Variants in TMC6 observed in about 807,000 individuals in gnomAD.
TMC6 encodes transmembrane channel-like protein 6.
TMC6 carries 71 observed loss-of-function variants against 95.4 expected under a neutral mutation model. That is an observed-to-expected ratio of 0.74 (90% confidence interval 0.61 to 0.91). The LOEUF is 0.91. TMC6 is among the 40% of genes least tolerant of loss of function. The pLI is 0.00. For synonymous variants in TMC6, 514 were observed against 483.1 expected (o/e 1.06, Z -0.84); for missense variants, 1,074 against 1,079.1 (o/e 1.00, Z 0.07).
intron 18 of TMC6, among the ~76,000 whole-genome samples, chr17:78,115,442 A>G (rs2074018914): frequency 3.3e-5 from 5 of 152,178 alleles, no homozygotes; most frequent in Admixed American, 2.6e-4. Flanking sequence ...GGGGGAGGGC[A>G]GAGCCCAGCA....
At chr17:78,116,852 C>G (rs745805048) in intron 18 of TMC6, among the ~76,000 whole-genome samples, 16 of 152,310 alleles carry the variant, frequency 1.1e-4, no homozygotes, top group South Asian at 8.3e-4. Context: ...TGCACTCCAG[C>G]CTGGGTGACA....
rs181960209 is a variant in TMC6, at chr17:78,125,113, T to C, written c.536+45A>G. On this transcript the variant is annotated intron_variant, in intron 6 of 19. Transcript: ENST00000590602. ...CCTAGCCCAGCTGAGGAAGTGGGTC[T>C]GGGGGCGCAGCAGCGGCGGCATGGT... 734 of 1,548,622 alleles carry C rather than the reference T, an allele frequency of 4.7e-4. 5 individuals carry two copies. The African/African-American group carries it at 9.2e-3, about 19-fold the overall frequency.
intron 5 of TMC6, 134 bp from the exon 6 acceptor site, chr17:78,125,397 G>C: frequency 1.2e-6 from 1 of 850,468 alleles, no homozygotes; most frequent in East Asian, 2.7e-5. Flanking sequence ...TTGAGCTTCA[G>C]TCGCCAATCA....
In TMC6 at chr17:78,113,219, A is replaced by G. The variant is rs200477839; in HGVS notation, c.2355-8T>C. ...TCCTCGGTTGTCCCAACCCTGCCAG[A>G]AAGAGACATCACTGAGGGGACCCCA... On this transcript the variant is annotated splice_region_variant and splice_polypyrimidine_tract_variant and intron_variant, in intron 19 of 19. Transcript: ENST00000590602. 6.2e-5 allele frequency: 96 copies of G among 1,552,662 alleles called. No individual in the cohort carries two copies. The Admixed American group carries it at 6.5e-4, about 10-fold the overall frequency.
chr17:78,113,412 G>A (rs1389982379), intron 19 of TMC6, 136 bp downstream of exon 19: 3 of 1,260,090 alleles, frequency 2.4e-6, no homozygotes, highest in Non-Finnish European at 3.4e-6. Flanking sequence ...GGCGCCGGGG[G>A]GGAGATTTTT....
At chr17:78,131,982 C>G (rs968762906), upstream of TMC6, 72 of 1,522,664 alleles carry the variant, frequency 4.7e-5, no homozygotes, top group African/African-American at 8.9e-4. Context: ...AGCGCAGCGG[C>G]TGGCCCGGGG....
At chr17:78,114,086 T>A (rs2073932134) in intron 18 of TMC6, 4 of 296,352 alleles carry the variant, frequency 1.3e-5, no homozygotes, top group Non-Finnish European at 2.0e-5. Context: ...GTTCTGGAAG[T>A]GAGAAGTCCA....
Position 78,126,511 on chromosome 17 carries a change from G to C in TMC6, c.181+13C>G, listed in dbSNP as rs2074726070. 1.2e-6 allele frequency: 2 copies of C among 1,613,066 alleles called. No individual in the cohort carries two copies. On this transcript the variant is annotated intron_variant, in intron 3 of 19. Transcript: ENST00000590602. ...CTTGGTCCACACCACCCAGCATCCAGGCCTGAGCTCACCTGTCACCTCCCG... is the reference window on the plus strand; with the variant it reads ...CTTGGTCCACACCACCCAGCATCCACGCCTGAGCTCACCTGTCACCTCCCG...
At position 78,128,364 on chromosome 17, in the gene TMC6, C is replaced by T. The variant is rs2074845776; in HGVS notation, c.-75+248G>A. Among the ~76,000 whole-genome samples the T allele has an allele frequency of 6.6e-6, 1 of 152,098 alleles. No homozygotes were observed. On this transcript the variant is annotated intron_variant, in intron 1 of 19. Transcript: ENST00000590602. This position sits in a 1 kb window ranked among gnomAD's most constrained non-coding sequence, Gnocchi z 4.0. Reference sequence around the variant, plus strand: ...CCCCTCCCCTCCCCGTGCCCTGGCGCTCGGCTGGGGGACCTGGGTGGGGGC... The same window carrying T: ...CCCCTCCCCTCCCCGTGCCCTGGCGTTCGGCTGGGGGACCTGGGTGGGGGC...
chr17:78,131,989 G>A (rs1202932943), upstream of TMC6: 8 of 1,526,896 alleles, frequency 5.2e-6, no homozygotes, highest in South Asian at 6.0e-5. Flanking sequence ...CGGCTGGCCC[G>A]GGGCCTTGGG....
In TMC6 at chr17:78,125,135, T is replaced by C. The variant is rs563693820; in HGVS notation, c.536+23A>G. 141 of 1,553,766 alleles carry C rather than the reference T, an allele frequency of 9.1e-5. No individual in the cohort carries two copies. The Middle Eastern group carries it at 1.1e-3, about 12-fold the overall frequency. On this transcript the variant is annotated intron_variant, in intron 6 of 19. Transcript: ENST00000590602. ...GTCTGGGGGCGCAGCAGCGGCGGCA[T>C]GGTCAGGGTCGGGGCTGCTCACCGC... is the stretch of plus-strand genomic sequence containing the variant.
In TMC6 at chr17:78,117,471, A is replaced by G. The variant is rs765697166; in HGVS notation, c.2195T>C (p.Leu732Pro). The change falls in exon 17 of 20, where the codon CTG becomes CCG. Residue 732 changes from leucine to proline, a missense_variant. Transcript: ENST00000590602. ...CGCCCCCACCTGCGGGACTCACAGCAGCAGGGCTGACACCAGGAAGACAAA... is the reference window on the plus strand; with the variant it reads ...CGCCCCCACCTGCGGGACTCACAGCGGCAGGGCTGACACCAGGAAGACAAA... ...TFFVFLVSAL[L>P]LAVIYLNIQV... 1 of 1,610,240 alleles carries G rather than the reference A, an allele frequency of 6.2e-7. No homozygotes were observed. Among genetic ancestry groups the G allele is most frequent in the Non-Finnish European group, 8.5e-7 (1 of 1,179,232 alleles).
chr17:78,124,413 A>G, intron 8 of TMC6, 111 bp downstream of exon 8: 1 of 1,538,196 alleles, frequency 6.5e-7, no homozygotes, highest in Non-Finnish European at 8.8e-7. Flanking sequence ...ACCTGGAGTC[A>G]CAGCGGGGCA....
rs1567994119 is a variant in TMC6, at chr17:78,121,755, G to A, written c.1228-44C>T. The A allele has an allele frequency of 3.2e-6, 5 of 1,540,766 alleles. No individual in the cohort carries two copies. The highest frequency in any genetic ancestry group is 2.7e-5 in the African/African-American group (2 of 73,436). On this transcript the variant is annotated intron_variant, in intron 10 of 19. Transcript: ENST00000590602. This position sits in a 1 kb window ranked among gnomAD's most constrained non-coding sequence, Gnocchi z 5.6. ...CCCCGTCACCCACACCAGAGCACGG[G>A]CACACGCAGACGTGCAGACACAGCA... is the stretch of plus-strand genomic sequence containing the variant.
In TMC6 at chr17:78,120,675, G is replaced by T; in HGVS notation, c.1693C>A (p.Leu565Ile). 1 of 1,614,020 alleles carries T rather than the reference G, an allele frequency of 6.2e-7. No individual in the cohort carries two copies. The highest frequency in any genetic ancestry group is 8.5e-7 in the Non-Finnish European group (1 of 1,180,014). Residue 565 changes from leucine (L) to isoleucine (I), a missense_variant, in exon 13 of 20, where the codon CTT becomes ATT. Leu to Ile is a conservative substitution (Grantham distance 5, BLOSUM62 2). Coordinates refer to ENST00000590602, the MANE Select transcript of TMC6 (RefSeq NM_001127198.5). ...CACCTCCACACCAGTTCCCCAAAAA[G>T]CGTGTCCAGCAACATGAGGACGAAG... ...MDFVLMLLDT[L>I]FGELVWRIIS... is the part of the protein sequence containing the mutation.
chr17:78,108,302 CTTTTGGAAATTGAGA>C lies in TMC6; in HGVS notation c.*4831_*4845del, dbSNP rs544578124. 6.5e-6 allele frequency: 1 copy of C among 154,604 alleles called. No individual in the cohort carries two copies. Among genetic ancestry groups the C allele is most frequent in the African/African-American group, 2.4e-5 (1 of 41,618 alleles). The allele number at this position is 154,604 out of a possible 1,614,324, so 9.6% of individuals were successfully genotyped here. On this transcript the variant is annotated 3_prime_UTR_variant, in exon 20 of 20. Transcript: ENST00000590602. ...GTGTGCTGCTGGCTCTGACCATACT[CTTTTGGAAATTGAGA>C]AGGAAAGCATTGAGTGGGACCTAAT...
upstream of TMC6, chr17:78,131,874 C>T: frequency 6.9e-7 from 1 of 1,457,548 alleles, no homozygotes; most frequent in Non-Finnish European, 9.0e-7. Context: ...GTCACCACCC[C>T]CGTCCAGGCA....
rs752518967 is a variant in TMC6, at chr17:78,121,722, C to G, written c.1228-11G>C. 6.4e-7 allele frequency: 1 copy of G among 1,571,322 alleles called. No homozygotes were observed. The highest frequency in any genetic ancestry group is 8.6e-7 in the Non-Finnish European group (1 of 1,162,278). On this transcript the variant is annotated splice_polypyrimidine_tract_variant and intron_variant, in intron 10 of 19. Coordinates refer to ENST00000590602, the MANE Select transcript of TMC6 (RefSeq NM_001127198.5). This position sits in a 1 kb window ranked among gnomAD's most constrained non-coding sequence, Gnocchi z 5.6. ...CTCGGCCAGCAGCTCCTGCAGGCGG[C>G]ACCGTGTCCCCGTCACCCACACCAG...
chr17:78,130,909 C>G (rs2074946665), upstream of TMC6: 1 of 156,228 alleles, frequency 6.4e-6, no homozygotes. Context: ...TGGGGGCCAG[C>G]TAGAGCCCTG....
Sources: gnomAD v4.1 joint callset for allele counts (sites outside exome capture counted in the v4.1 genomes callset) on GRCh38, gnomAD v4.1.1 for gene constraint, Gnocchi (gnomAD v3.1) non-coding constraint, MANE v1.5 for transcripts, NCBI Gene and HGNC (gene_info 2026-07-23, HGNC 2026-07-21) for gene names.